Variants in EFTUD2 observed in about 807,000 individuals in gnomAD.
The protein encoded by EFTUD2 is 116 kDa U5 small nuclear ribonucleoprotein component.
In EFTUD2, 9 loss-of-function variants were observed where a neutral mutation model predicts 114.3. That is an observed-to-expected ratio of 0.08 (90% CI 0.05 to 0.14). The LOEUF is 0.14. EFTUD2 is among the 10% of genes least tolerant of loss of function. The probability of loss-of-function intolerance (pLI) is 1.00; values close to 1 mark genes in which losing one functional copy is unlikely to be tolerated. For synonymous variants in EFTUD2, 449 were observed against 462.3 expected (o/e 0.97, Z 0.37); for missense variants, 765 against 1,241.2 (o/e 0.62, Z 5.76).
chr17:44,853,254 C>T, intron 25 of EFTUD2, 42 bp downstream of exon 25: 1 of 1,600,880 alleles, frequency 6.2e-7, no homozygotes, highest in Non-Finnish European at 8.5e-7. Context: ...TTGTTCTGCT[C>T]TTGCTCTCAG....
chr17:44,862,600 C>T, intron 16 of EFTUD2, 113 bp downstream of exon 16: 1 of 1,070,814 alleles, frequency 9.3e-7, no homozygotes, highest in South Asian at 1.7e-5. Context: ...ACTTTATCCC[C>T]TCTTGCACAG....
intron 11 of EFTUD2, 41 bp from the exon 12 acceptor site, chr17:44,868,391 T>C (rs565332273): frequency 1.2e-6 from 2 of 1,603,458 alleles, no homozygotes; most frequent in East Asian, 2.2e-5. Context: ...CCTAGCAAAG[T>C]GTCGTTCAAA....
intron 9 of EFTUD2, 117 bp from the exon 10 acceptor site, chr17:44,876,217 G>A (rs546316481): frequency 3.9e-5 from 48 of 1,216,822 alleles, no homozygotes; most frequent in Admixed American, 1.6e-4. Flanking sequence ...AAAAGACCTC[G>A]GGAAATATTA....
At chr17:44,867,994 A>AG in intron 12 of EFTUD2, 97 bp from the exon 13 acceptor site, 1 of 1,209,900 alleles carries the variant, frequency 8.3e-7, no homozygotes, top group Non-Finnish European at 1.1e-6. Context: ...ACAACAGCCC[A>AG]GGGGAGGAAT....
At chr17:44,862,012 A>G (rs536674346) in intron 16 of EFTUD2, among the ~76,000 whole-genome samples, 11 of 152,330 alleles carry the variant, frequency 7.2e-5, no homozygotes, top group Admixed American at 7.2e-4. Context: ...GGAGTTGGGG[A>G]ACAATTTCTT....
At chr17:44,860,255 G>A (rs549947126) in intron 17 of EFTUD2, 177 bp downstream of exon 17, 113 of 767,436 alleles carry the variant, frequency 1.5e-4, no homozygotes, top group South Asian at 6.1e-4. Flanking sequence ...AAAGGCACCC[G>A]TCCTAATTCC....
chr17:44,852,011 G>C (rs557605313), intron 26 of EFTUD2, among the ~76,000 whole-genome samples, 194 bp from the exon 27 acceptor site: 2 of 151,998 alleles, frequency 1.3e-5, no homozygotes, highest in African/African-American at 4.8e-5. Flanking sequence ...TCCGCCTCCC[G>C]GGTTCAAGCG....
chr17:44,860,676 G>A, intron 16 of EFTUD2, 133 bp from the exon 17 acceptor site: 1 of 612,396 alleles, frequency 1.6e-6, no homozygotes, highest in Non-Finnish European at 2.8e-6. Flanking sequence ...TTGGCTCACT[G>A]CAGCCTCGAA....
At chr17:44,883,510 C>A in intron 5 of EFTUD2, 139 bp downstream of exon 5, 1 of 808,310 alleles carries the variant, frequency 1.2e-6, no homozygotes, top group South Asian at 1.5e-5. Context: ...AGTATGACTT[C>A]GTAACAGGCA....
intron 1 of EFTUD2, among the ~76,000 whole-genome samples, chr17:44,897,651 G>A (rs1302534171): frequency 2.6e-5 from 4 of 152,142 alleles, no homozygotes; most frequent in South Asian, 4.2e-4. Flanking sequence ...TGCAACCTCC[G>A]CCTCACAGGT....
chr17:44,878,072 G>T (rs1421946432), intron 9 of EFTUD2, among the ~76,000 whole-genome samples: 1 of 151,978 alleles, frequency 6.6e-6, no homozygotes, highest in Non-Finnish European at 1.5e-5. Context: ...AAAGGCAGAG[G>T]TTGCAGTAAA....
chr17:44,860,485 C>G lies in EFTUD2; in HGVS notation c.1666G>C (p.Asp556His). 6.2e-7 allele frequency: 1 copy of G among 1,613,992 alleles called. No individual in the cohort carries two copies. The highest frequency in any genetic ancestry group is 8.5e-7 in the Non-Finnish European group (1 of 1,179,968). The change falls in exon 17 of 28, where the codon GAT becomes CAT. Residue 556 changes from aspartate (D) to histidine (H), a missense_variant. Asp to His is a moderately conservative substitution (Grantham distance 81). This residue lies in a region of EFTUD2 where 149 missense variants were observed against 245.1 expected (regional missense o/e 0.61). Coordinates refer to ENST00000426333, the MANE Select transcript of EFTUD2 (RefSeq NM_004247.4). ...GTTGCTGTCTTCACAATTGGTTGAT[C>G]AACACCTTCAATCAGAACCCAGTTG... ...AGNWVLIEGV[D>H]QPIVKTATIT...
chr17:44,882,181 G>A lies in EFTUD2; in HGVS notation c.493-459C>T, dbSNP rs146685875. ...ACTCCTGACCTCATGTGATCCCCCC[G>A]GCTCAGCCTCCCAAAGTGCTGGGAT... On this transcript the variant is annotated intron_variant, in intron 6 of 27. Coordinates refer to ENST00000426333, the MANE Select transcript of EFTUD2 (RefSeq NM_004247.4). Among the ~76,000 whole-genome samples, 14 of 152,200 alleles carry A rather than the reference G, an allele frequency of 9.2e-5. No individual in the cohort carries two copies. In the East Asian group the frequency reaches 2.1e-3, roughly 23 times the overall value.
At chr17:44,855,179 G>A (rs2050526862) in intron 20 of EFTUD2, among the ~76,000 whole-genome samples, 175 bp from the exon 21 acceptor site, 1 of 152,186 alleles carries the variant, frequency 6.6e-6, no homozygotes, top group Non-Finnish European at 1.5e-5. Flanking sequence ...AAGGCAGGAG[G>A]ATCACTGAAA....
Position 44,885,802 on chromosome 17 carries a change from CT to C in EFTUD2, c.272-469del, listed in dbSNP as rs375004615. Among the ~76,000 whole-genome samples the C allele has an allele frequency of 5.9e-5, 9 of 152,078 alleles. 1 individual carries two copies. Among genetic ancestry groups the C allele is most frequent in the African/African-American group, 2.2e-4 (9 of 41,512 alleles). ...CCACCATGCCCAGCTAATTTTTGTA[CT>C]TTTTTTGTAGAGATGGGGTTTCACC... is the stretch of plus-strand genomic sequence containing the variant. On this transcript the variant is annotated intron_variant, in intron 3 of 27. Transcript: ENST00000426333.
chr17:44,887,996 T>C (rs541477897), intron 2 of EFTUD2, among the ~76,000 whole-genome samples: 20 of 152,258 alleles, frequency 1.3e-4, no homozygotes, highest in African/African-American at 4.8e-4. Context: ...CAGGTGTTAG[T>C]AATAAAGCAA....
chr17:44,868,605 TGAACTATG>T lies in EFTUD2; in HGVS notation c.995-263_995-256del, dbSNP rs2050793715. 4 of 465,808 alleles carry T rather than the reference TGAACTATG, an allele frequency of 8.6e-6. No individual in the cohort carries two copies. In the South Asian group the frequency reaches 1.4e-4, roughly 17 times the overall value. 28.9% of individuals were successfully genotyped at this position (465,808 alleles called of 1,614,324 possible). On this transcript the variant is annotated intron_variant, in intron 11 of 27. Coordinates refer to ENST00000426333, the MANE Select transcript of EFTUD2 (RefSeq NM_004247.4). ...CTCCATCTCCACCAAGCACTAGGAT[TGAACTATG>T]GACAAGAGCATGGGTTACATGTTTT...
intron 11 of EFTUD2, among the ~76,000 whole-genome samples, chr17:44,869,246 G>C (rs146582991): frequency 5.3e-5 from 8 of 152,072 alleles, no homozygotes; most frequent in Non-Finnish European, 1.0e-4. Flanking sequence ...TCCTTCCTCT[G>C]AACCACTGAA....
At chr17:44,855,270 T>TAA (rs1419053377) in intron 20 of EFTUD2, among the ~76,000 whole-genome samples, 1 of 151,678 alleles carries the variant, frequency 6.6e-6, no homozygotes, top group Non-Finnish European at 1.5e-5. Flanking sequence ...TACTGCCTCT[T>TAA]AAAAACAAAC....
Sources: allele counts gnomAD v4.1 joint callset (sites outside exome capture counted in the v4.1 genomes callset), GRCh38; gene constraint gnomAD v4.1.1; regional missense constraint gnomAD v4.1.1; transcripts MANE v1.5; gene names NCBI Gene and HGNC (gene_info 2026-07-23, HGNC 2026-07-21).